Variants in SCARB1 observed in about 807,000 individuals in gnomAD.
SCARB1 encodes the protein CD36 and LIMPII analogous 1.
A neutral mutation model predicts 57.2 loss-of-function variants in SCARB1; 30 were observed. The observed-to-expected ratio is 0.52, with a 90% CI of 0.39 to 0.71. The LOEUF is 0.71. Ranked by LOEUF, SCARB1 falls within the 30% of genes least tolerant of loss-of-function variation. SCARB1 has a pLI of 0.00. For missense variants in SCARB1, 543 were observed against 671.2 expected (o/e 0.81, Z 2.11); for synonymous variants, 249 against 268.3 (o/e 0.93, Z 0.70).
intron 1 of SCARB1, among the ~76,000 whole-genome samples, chr12:124,859,082 C>A (rs972538943): frequency 6.6e-6 from 1 of 152,004 alleles, no homozygotes; most frequent in East Asian, 1.9e-4. Flanking sequence ...GGGGGTCTCA[C>A]TATGTTGCCC....
At chr12:124,850,260 C>A (rs1351109730) in intron 1 of SCARB1, among the ~76,000 whole-genome samples, 3 of 151,636 alleles carry the variant, frequency 2.0e-5, no homozygotes, top group Admixed American at 6.6e-5. Flanking sequence ...GTAATCCCAA[C>A]TACTCAGGAG....
rs774504930 is a variant in SCARB1, at chr12:124,787,476, T to C, written c.1203-19A>G. The C allele has an allele frequency of 2.5e-6, 4 of 1,610,790 alleles. No individual in the cohort carries two copies. Among genetic ancestry groups the C allele is most frequent in the Middle Eastern group, 1.7e-4 (1 of 6,058 alleles). ...AGTTTGTCTGGAAATAAGCAAGACA[T>C]AGCTGTGTGAAACAAAGTCTTACAC... On this transcript the variant is annotated intron_variant, in intron 9 of 12. Transcript: ENST00000261693.
chr12:124,858,787 G>T (rs1952751379), intron 1 of SCARB1, among the ~76,000 whole-genome samples: 1 of 151,976 alleles, frequency 6.6e-6, no homozygotes, highest in African/African-American at 2.4e-5. Context: ...GCTGAGGCAG[G>T]AGAATGGCGT....
intron 1 of SCARB1, among the ~76,000 whole-genome samples, chr12:124,862,001 C>T (rs1477145957): frequency 6.8e-6 from 1 of 146,462 alleles, no homozygotes; most frequent in Non-Finnish European, 1.5e-5. Flanking sequence ...TAAGTCCCCA[C>T]ACTCCCATAG....
At position 124,819,129 on chromosome 12, in the gene SCARB1, T is replaced by TAA. The variant is rs56299837; in HGVS notation, c.127-1424_127-1423dup. On this transcript the variant is annotated intron_variant, in intron 1 of 12. Coordinates refer to ENST00000261693, the MANE Select transcript of SCARB1 (RefSeq NM_005505.5). Reference sequence around the variant, plus strand: ...GGTGTCCAAGCAACACCCTGTCTCATAAAAAAAAAAAAAAGAAAAGAAAGA... The same window carrying TAA: ...GGTGTCCAAGCAACACCCTGTCTCATAAAAAAAAAAAAAAAAGAAAAGAAAGA... Among the ~76,000 whole-genome samples, 18 of 137,656 alleles carry TAA rather than the reference T, an allele frequency of 1.3e-4. No homozygotes were observed. The East Asian group carries it at 1.4e-3, about 11-fold the overall frequency. The allele number at this position is 137,656 out of a possible 152,430, so 90.3% of individuals were successfully genotyped here. A position where few individuals can be genotyped will look rare whatever the true frequency, so the allele number is the denominator to read the frequency against.
intron 1 of SCARB1, among the ~76,000 whole-genome samples, chr12:124,863,130 T>C (rs1003753365): frequency 6.6e-6 from 1 of 152,138 alleles, no homozygotes; most frequent in Non-Finnish European, 1.5e-5. Flanking sequence ...TCACAGAAGG[T>C]TCCTGTCCTC....
At chr12:124,794,001 A>G (rs1240509110) in intron 9 of SCARB1, among the ~76,000 whole-genome samples, 1 of 152,256 alleles carries the variant, frequency 6.6e-6, no homozygotes, top group African/African-American at 2.4e-5. Context: ...TACGACATGG[A>G]TGAACCTTGA....
At chr12:124,835,088 G>A (rs575079141) in intron 1 of SCARB1, among the ~76,000 whole-genome samples, 2 of 152,112 alleles carry the variant, frequency 1.3e-5, no homozygotes, top group African/African-American at 4.8e-5. Context: ...ACCATGAAGT[G>A]CCGTGGCTAT....
At chr12:124,799,762 G>C (rs1950070103) in intron 8 of SCARB1, among the ~76,000 whole-genome samples, 1 of 152,150 alleles carries the variant, frequency 6.6e-6, no homozygotes, top group African/African-American at 2.4e-5. Flanking sequence ...CAAATTCCCT[G>C]TGTGATTTAT....
intron 7 of SCARB1, among the ~76,000 whole-genome samples, chr12:124,803,741 C>T (rs970719772): frequency 6.9e-6 from 1 of 144,950 alleles, no homozygotes; most frequent in Non-Finnish European, 1.5e-5. Context: ...ATAAATTAGC[C>T]AGGTATGGTG....
rs77740046 is a variant in SCARB1, at chr12:124,812,018, G to A, written c.631-53C>T. The A allele has an allele frequency of 3.0e-3, 4,224 of 1,402,706 alleles. 105 individuals are homozygous for A. In the African/African-American group the frequency reaches 0.052, roughly 17 times the overall value. The allele number at this position is 1,402,706 out of a possible 1,614,324, so 86.9% of individuals were successfully genotyped here. On this transcript the variant is annotated intron_variant, in intron 4 of 12. Coordinates refer to ENST00000261693, the MANE Select transcript of SCARB1 (RefSeq NM_005505.5). This position sits in a 1 kb window ranked among gnomAD's most constrained non-coding sequence, Gnocchi z 4.3. ...TAAGGCTTAGGCCTGCCATTGAGCC[G>A]GCCTGGTCTGAACATTCTGGGCTGA... is the stretch of plus-strand genomic sequence containing the variant.
In SCARB1 at chr12:124,807,045, CA is replaced by C. The variant is rs1485107984; in HGVS notation, c.1009+715del. Among the ~76,000 whole-genome samples the C allele has an allele frequency of 6.6e-6, 1 of 151,950 alleles. No homozygotes were observed. The highest frequency in any genetic ancestry group is 6.6e-5 in the Admixed American group (1 of 15,262). On this transcript the variant is annotated intron_variant, in intron 7 of 12. Coordinates refer to ENST00000261693, the MANE Select transcript of SCARB1 (RefSeq NM_005505.5). This position sits in a 1 kb window ranked among gnomAD's most constrained non-coding sequence, Gnocchi z 5.3. ...GAAACCCCCATCTCTACCAAAAATA[CA>C]AAAAATTAGCCAGGTGTGGTGGTGC...
chr12:124,858,497 A>G (rs1053777642), intron 1 of SCARB1, among the ~76,000 whole-genome samples: 3 of 152,178 alleles, frequency 2.0e-5, no homozygotes, highest in Non-Finnish European at 4.4e-5. Flanking sequence ...GCCCCTTTGC[A>G]GTGTGCCTCA....
chr12:124,810,167 T>A lies in SCARB1; in HGVS notation c.842+7A>T. 1 of 1,599,920 alleles carries A rather than the reference T, an allele frequency of 6.3e-7. No individual in the cohort carries two copies. The highest frequency in any genetic ancestry group is 8.6e-7 in the Non-Finnish European group (1 of 1,167,304). Reference sequence around the variant, plus strand: ...AAACCCAGGAGGCCCCGAGTCCCAGTGATTACCGGCAGGCCTCCGGGCTGT... The same window carrying A: ...AAACCCAGGAGGCCCCGAGTCCCAGAGATTACCGGCAGGCCTCCGGGCTGT... On this transcript the variant is annotated splice_region_variant and intron_variant, in intron 6 of 12. Transcript: ENST00000261693. This position sits in a 1 kb window ranked among gnomAD's most constrained non-coding sequence, Gnocchi z 4.0.
At chr12:124,808,133 T>A (rs779060088) in intron 6 of SCARB1, among the ~76,000 whole-genome samples, 29 of 151,914 alleles carry the variant, frequency 1.9e-4, no homozygotes, top group Non-Finnish European at 3.8e-4. Flanking sequence ...CCCACATCAA[T>A]GTATTAGCCG....
chr12:124,803,341 G>A (rs1279104906), intron 7 of SCARB1, among the ~76,000 whole-genome samples: 2 of 152,154 alleles, frequency 1.3e-5, no homozygotes, highest in Admixed American at 1.3e-4. Flanking sequence ...CACTTTGGGC[G>A]GGAGGATCAC....
Position 124,817,458 on chromosome 12 carries a change from C to G in SCARB1, c.284+92G>C. The G allele has an allele frequency of 7.7e-7, 1 of 1,293,506 alleles. No homozygotes were observed. The allele number at this position is 1,293,506 out of a possible 1,614,324, so 80.1% of individuals were successfully genotyped here. A position where few individuals can be genotyped will look rare whatever the true frequency, so the allele number is the denominator to read the frequency against. ...TGCTTCCGGAACAATCTCTGGGGCT[C>G]AGTCAGCAGCCTCCCCATCCCGTCC... On this transcript the variant is annotated intron_variant, in intron 2 of 12. Coordinates refer to ENST00000261693, the MANE Select transcript of SCARB1 (RefSeq NM_005505.5). The surrounding 1 kb of genome is among the most constrained non-coding windows in gnomAD (Gnocchi z 4.8).
chr12:124,856,467 A>T (rs1952634336), intron 1 of SCARB1, among the ~76,000 whole-genome samples: 1 of 152,238 alleles, frequency 6.6e-6, no homozygotes. Flanking sequence ...GAGCAAATAA[A>T]CTAGACTCAC....
chr12:124,803,690 A>G, intron 7 of SCARB1, among the ~76,000 whole-genome samples: 1 of 62,018 alleles, frequency 1.6e-5, no homozygotes, highest in South Asian at 5.1e-4. Flanking sequence ...CCACCTCTAC[A>G]AAAAAAAAAA....
Sources: allele counts gnomAD v4.1 joint callset (sites outside exome capture counted in the v4.1 genomes callset), GRCh38; gene constraint gnomAD v4.1.1; non-coding constraint Gnocchi (gnomAD v3.1); transcripts MANE v1.5; gene names NCBI Gene and HGNC (gene_info 2026-07-23, HGNC 2026-07-21).